Variants in NFATC2 observed in about 807,000 individuals in gnomAD.
NFATC2 encodes nuclear factor of activated T cells 2.
In NFATC2, 22 loss-of-function variants were observed where a neutral mutation model predicts 87.3. That is an observed-to-expected ratio of 0.25 (90% CI 0.18 to 0.36). The LOEUF (loss-of-function observed/expected upper bound fraction) is 0.36, where lower values mean the gene tolerates loss of function less well. Among genes scored for constraint, NFATC2 ranks in the 10% least tolerant of loss-of-function variants. The pLI is 1.00. For missense variants in NFATC2, 1,149 were observed against 1,259.1 expected (o/e 0.91, Z 1.32); for synonymous variants, 565 against 542.2 (o/e 1.04, Z -0.58).
intron 2 of NFATC2, among the ~76,000 whole-genome samples, chr20:51,520,500 C>T (rs1454350844): frequency 6.7e-6 from 1 of 149,640 alleles, no homozygotes; most frequent in Non-Finnish European, 1.5e-5. Flanking sequence ...TTGCACCTGT[C>T]TCCCCAGTGA....
intron 3 of NFATC2, among the ~76,000 whole-genome samples, chr20:51,488,127 G>A (rs149427104): frequency 3.3e-3 from 507 of 152,166 alleles, no homozygotes; most frequent in African/African-American, 0.011. Flanking sequence ...TCTTCATCGG[G>A]GCCGTTCCCA....
At chr20:51,519,751 T>TA (rs66928164) in intron 2 of NFATC2, among the ~76,000 whole-genome samples, 6,562 of 122,608 alleles carry the variant, frequency 0.054, 389 homozygotes, top group East Asian at 0.32. Context: ...CCATCTCTAC[T>TA]AAAAAAAAAA....
intron 9 of NFATC2, among the ~76,000 whole-genome samples, chr20:51,417,211 G>C (rs1002812087): frequency 6.6e-6 from 1 of 152,080 alleles, no homozygotes; most frequent in Non-Finnish European, 1.5e-5. Context: ...CGCCCAGTAA[G>C]GGGGAGGGAT....
chr20:51,538,365 C>T (rs1654859573), intron 1 of NFATC2, among the ~76,000 whole-genome samples: 1 of 151,834 alleles, frequency 6.6e-6, no homozygotes, highest in Admixed American at 6.6e-5. Flanking sequence ...TAATTCAACT[C>T]CCATTTGTAA....
chr20:51,401,912 A>G (rs940404069), intron 9 of NFATC2, among the ~76,000 whole-genome samples: 3 of 152,210 alleles, frequency 2.0e-5, no homozygotes, highest in African/African-American at 7.2e-5. Flanking sequence ...TCCTTGACAA[A>G]TATACAACTA....
intron 2 of NFATC2, among the ~76,000 whole-genome samples, chr20:51,519,115 G>A (rs1462811721): frequency 1.3e-5 from 2 of 151,946 alleles, no homozygotes; most frequent in East Asian, 1.9e-4. Context: ...TGCAACCAAC[G>A]AGCCACACGT....
intron 10 of NFATC2, 34 bp downstream of exon 10, chr20:51,398,609 G>A: frequency 1.3e-6 from 2 of 1,486,652 alleles, no homozygotes; most frequent in Non-Finnish European, 1.8e-6. Context: ...CACACAGCTG[G>A]AAAACAAAAG....
At chr20:51,475,941 T>C (rs186137296) in intron 3 of NFATC2, among the ~76,000 whole-genome samples, 2 of 152,300 alleles carry the variant, frequency 1.3e-5, no homozygotes, top group Admixed American at 6.5e-5. Flanking sequence ...CTGTGCTTAA[T>C]TGATGACTGA....
At chr20:51,481,403 C>A (rs1030422332) in intron 3 of NFATC2, among the ~76,000 whole-genome samples, 1 of 152,108 alleles carries the variant, frequency 6.6e-6, no homozygotes, top group Admixed American at 6.6e-5. Context: ...CCGGATCACA[C>A]TCCAGGCACA....
chr20:51,427,943 G>A (rs565952463), intron 9 of NFATC2, among the ~76,000 whole-genome samples: 9 of 152,276 alleles, frequency 5.9e-5, no homozygotes, highest in Admixed American at 3.3e-4. Flanking sequence ...AACAATCACC[G>A]TGAGAGCAAA....
At chr20:51,511,553 C>G (rs1388018751) in intron 3 of NFATC2, among the ~76,000 whole-genome samples, 1 of 152,222 alleles carries the variant, frequency 6.6e-6, no homozygotes, top group Non-Finnish European at 1.5e-5. Flanking sequence ...AGAGAACTTG[C>G]AATCTTCCCC....
intron 5 of NFATC2, among the ~76,000 whole-genome samples, chr20:51,465,231 T>A (rs1351057555): frequency 6.6e-6 from 1 of 151,900 alleles, no homozygotes; most frequent in African/African-American, 2.4e-5. Context: ...CTACTAAAAA[T>A]AAAAAAATTA....
intron 3 of NFATC2, among the ~76,000 whole-genome samples, chr20:51,479,855 C>T (rs568944257): frequency 3.6e-4 from 55 of 152,304 alleles, no homozygotes; most frequent in African/African-American, 1.1e-3. Context: ...TCTCAGGCTC[C>T]GAACCCACCC....
At chr20:51,529,734 A>T (rs1384890483) in intron 1 of NFATC2, among the ~76,000 whole-genome samples, 2 of 152,132 alleles carry the variant, frequency 1.3e-5, no homozygotes, top group Non-Finnish European at 2.9e-5. Context: ...TACTTCTAGT[A>T]TTTAAATTCA....
intron 1 of NFATC2, among the ~76,000 whole-genome samples, chr20:51,533,197 C>A (rs2076664529): frequency 1.3e-5 from 2 of 152,210 alleles, no homozygotes; most frequent in South Asian, 4.1e-4. Flanking sequence ...CCATCAGGGG[C>A]CACAAAGAAT....
intron 3 of NFATC2, among the ~76,000 whole-genome samples, chr20:51,497,682 G>T (rs940950313): frequency 1.3e-5 from 2 of 152,098 alleles, no homozygotes; most frequent in Non-Finnish European, 2.9e-5. Context: ...AGGAGTGAGG[G>T]GGAACTGCTG....
rs75711321 is a variant in NFATC2 at position 51,480,684 on chromosome 20, C to T, written c.1333-5024G>A. On this transcript the variant is annotated intron_variant, in intron 3 of 10. Transcript: ENST00000371564. This position sits in a 1 kb window ranked among gnomAD's most constrained non-coding sequence, Gnocchi z 4.2. ...ATGGCTGTGTGACTGTGAGCAATCG[C>T]TCCACCCCTGAGTTTCCATATGCTC... is the stretch of plus-strand genomic sequence containing the variant. Among the ~76,000 whole-genome samples, 88 of 152,314 alleles carry T rather than the reference C, an allele frequency of 5.8e-4. 1 individual carries two copies. In the East Asian group the frequency reaches 0.013, roughly 23 times the overall value.
intron 10 of NFATC2, among the ~76,000 whole-genome samples, chr20:51,392,319 C>T (rs1260327569): frequency 6.6e-6 from 1 of 152,166 alleles, no homozygotes; most frequent in Non-Finnish European, 1.5e-5. Context: ...GTTTGGTCAC[C>T]CCTCTCCCCA....
chr20:51,522,741 T>C (rs2076468629), intron 2 of NFATC2, among the ~76,000 whole-genome samples: 2 of 152,124 alleles, frequency 1.3e-5, no homozygotes, highest in African/African-American at 4.8e-5. Flanking sequence ...TTCACCACTG[T>C]CTCTCCATTA....
Sources: gnomAD v4.1 joint callset for allele counts (sites outside exome capture counted in the v4.1 genomes callset) on GRCh38, gnomAD v4.1.1 for gene constraint, Gnocchi (gnomAD v3.1) non-coding constraint, MANE v1.5 for transcripts, NCBI Gene and HGNC (gene_info 2026-07-23, HGNC 2026-07-21) for gene names.